The following UBAP2 variants were observed in gnomAD, a reference collection of about 807,000 sequenced individuals.
The protein encoded by UBAP2 is ubiquitin-associated protein 2.
In UBAP2, 75 loss-of-function variants were observed where a neutral mutation model predicts 139.6. That is an observed-to-expected ratio of 0.54 (90% CI 0.45 to 0.65). UBAP2 has a LOEUF of 0.65. UBAP2 is among the 30% of genes least tolerant of loss of function. The probability of loss-of-function intolerance (pLI) is 0.00; values close to 1 mark genes in which losing one functional copy is unlikely to be tolerated. For missense variants in UBAP2, 1,368 were observed against 1,369.6 expected (o/e 1.00, Z 0.02); for synonymous variants, 526 against 526.2 (o/e 1.00, Z 0.01).
intron 23 of UBAP2, 28 bp downstream of exon 23, chr9:33,924,178 C>T (rs780266624): frequency 6.2e-7 from 1 of 1,612,710 alleles, no homozygotes; most frequent in Non-Finnish European, 8.5e-7. Context: ...CGGCCCCGGG[C>T]TACTCCTCAT....
At chr9:33,935,755 G>A (rs1240465413) in intron 17 of UBAP2, 84 bp downstream of exon 17, 1 of 1,505,734 alleles carries the variant, frequency 6.6e-7, no homozygotes. Flanking sequence ...TGACCAACTG[G>A]TGTTTTCCAC....
At chr9:33,977,022 A>T (rs1820188631) in intron 6 of UBAP2, among the ~76,000 whole-genome samples, 1 of 148,776 alleles carries the variant, frequency 6.7e-6, no homozygotes, top group Admixed American at 6.7e-5. Flanking sequence ...GGAAAAAACA[A>T]AAACAGTTGT....
intron 7 of UBAP2, 94 bp downstream of exon 7, chr9:33,973,089 A>G: frequency 9.2e-7 from 1 of 1,082,030 alleles, no homozygotes; most frequent in South Asian, 1.3e-5. Flanking sequence ...TAGATTCACC[A>G]TGATGACTAA....
At chr9:33,953,929 C>T (rs1826316644) in intron 11 of UBAP2, among the ~76,000 whole-genome samples, 1 of 150,596 alleles carries the variant, frequency 6.6e-6, no homozygotes, top group Admixed American at 6.6e-5. Flanking sequence ...TTTTCTAAGA[C>T]AGTGTCTCAC....
intron 12 of UBAP2, chr9:33,948,823 A>G: frequency 2.3e-6 from 1 of 437,482 alleles, no homozygotes; most frequent in East Asian, 3.7e-5. Context: ...GAAGGGAAAT[A>G]TTTGCCATGA....
intron 16 of UBAP2, among the ~76,000 whole-genome samples, chr9:33,936,647 A>G (rs944588964): frequency 2.0e-5 from 3 of 152,126 alleles, no homozygotes; most frequent in African/African-American, 7.2e-5. Flanking sequence ...CCATCTCAAA[A>G]AACAAAACAA....
At chr9:33,952,220 CCTTT>C (rs1344074381) in intron 12 of UBAP2, among the ~76,000 whole-genome samples, 1 of 152,168 alleles carries the variant, frequency 6.6e-6, no homozygotes, top group Admixed American at 6.5e-5. Context: ...CATCCATAGA[CCTTT>C]CTAACTTCCC....
At chr9:33,973,370 G>A in intron 6 of UBAP2, 133 bp from the exon 7 acceptor site, 1 of 960,338 alleles carries the variant, frequency 1.0e-6, no homozygotes, top group South Asian at 1.5e-5. Flanking sequence ...TCCAATCCAG[G>A]GCACCCAATT....
intron 7 of UBAP2, 39 bp from the exon 8 acceptor site, chr9:33,971,793 G>A (rs1172862429): frequency 1.6e-6 from 2 of 1,257,218 alleles, no homozygotes; most frequent in Admixed American, 1.7e-5. Flanking sequence ...GGCAAAAGAA[G>A]CAAACACCTA....
At chr9:34,022,804 C>G (rs988757682) in intron 1 of UBAP2, among the ~76,000 whole-genome samples, 2 of 152,098 alleles carry the variant, frequency 1.3e-5, no homozygotes, top group African/African-American at 4.8e-5. Context: ...TAATCAAAAG[C>G]TAACTTGTTG....
Position 33,996,118 on chromosome 9 carries a change from GCAC to G in UBAP2, c.288+102_288+104del, listed in dbSNP as rs1425478883. 1.1e-5 allele frequency: 8 copies of G among 759,946 alleles called. No individual in the cohort carries two copies. The East Asian group carries it at 2.1e-4, about 20-fold the overall frequency. 47.1% of individuals were successfully genotyped at this position (759,946 alleles called of 1,614,324 possible). A position where few individuals can be genotyped will look rare whatever the true frequency, so the allele number is the denominator to read the frequency against. On this transcript the variant is annotated intron_variant, in intron 4 of 28. Transcript: ENST00000379238. ...TGGAACTTAAAACAAATATGGAATGGCACCATAATCCATTCCATCCCTACCCCC... is the reference window on the plus strand; with the variant it reads ...TGGAACTTAAAACAAATATGGAATGGCATAATCCATTCCATCCCTACCCCC...
intron 6 of UBAP2, among the ~76,000 whole-genome samples, chr9:33,983,597 C>G (rs1820953531): frequency 6.6e-6 from 1 of 152,180 alleles, no homozygotes; most frequent in African/African-American, 2.4e-5. Flanking sequence ...CCTGGTGAGA[C>G]ACAGTAAAAT....
intron 3 of UBAP2, 197 bp downstream of exon 3, chr9:33,998,590 G>T: frequency 1.9e-6 from 1 of 522,412 alleles, no homozygotes; most frequent in Non-Finnish European, 3.4e-6. Flanking sequence ...TGTAAGGCAG[G>T]TGAACGTATT....
At chr9:33,963,652 A>G in intron 9 of UBAP2, 74 bp downstream of exon 9, 1 of 880,202 alleles carries the variant, frequency 1.1e-6, no homozygotes, top group Non-Finnish European at 1.8e-6. Flanking sequence ...GCTAGCTTTG[A>G]TAAAAAATGA....
chr9:33,955,431 A>G (rs1826471232), intron 11 of UBAP2, among the ~76,000 whole-genome samples: 1 of 139,196 alleles, frequency 7.2e-6, no homozygotes, highest in South Asian at 2.5e-4. Context: ...AGGCAGAAGA[A>G]TCACTTGAAC....
chr9:33,960,505 G>A (rs1826957971), intron 10 of UBAP2, among the ~76,000 whole-genome samples: 1 of 152,110 alleles, frequency 6.6e-6, no homozygotes, highest in Non-Finnish European at 1.5e-5. Context: ...GCCAGGCGCA[G>A]TGTCTCACGC....
intron 6 of UBAP2, among the ~76,000 whole-genome samples, chr9:33,980,523 G>A (rs573054719): frequency 6.6e-6 from 1 of 151,828 alleles, no homozygotes; most frequent in East Asian, 1.9e-4. Context: ...TTACAGGCGT[G>A]AGCCACCGCA....
Position 33,924,009 on chromosome 9 carries a change from G to C in UBAP2, c.2591-9C>G, listed in dbSNP as rs199717494. On this transcript the variant is annotated splice_polypyrimidine_tract_variant and intron_variant, in intron 23 of 28. Transcript: ENST00000379238. ...AAACTTTGTGACATCACCTAGGAAA[G>C]AGCACTGACTCCAGCCACTGCCCTT... is the stretch of plus-strand genomic sequence containing the variant. 71 of 1,613,094 alleles carry C rather than the reference G, an allele frequency of 4.4e-5. No homozygotes were observed. The highest frequency in any genetic ancestry group is 1.0e-5 in the Non-Finnish European group (12 of 1,179,992).
intron 3 of UBAP2, 56 bp from the exon 4 acceptor site, chr9:33,996,389 T>A: frequency 8.8e-7 from 1 of 1,140,548 alleles, no homozygotes; most frequent in Non-Finnish European, 1.3e-6. Context: ...CACTTGATAT[T>A]AAGATTCTTC....
Sources: allele counts gnomAD v4.1 joint callset (sites outside exome capture counted in the v4.1 genomes callset), GRCh38; gene constraint gnomAD v4.1.1; transcripts MANE v1.5; gene names NCBI Gene and HGNC (gene_info 2026-07-23, HGNC 2026-07-21).